Variants in CBR4 observed in about 807,000 individuals in gnomAD.
CBR4 encodes the protein carbonyl reductase 4.
CBR4 carries 22 observed loss-of-function variants against 21.0 expected under a neutral mutation model. The observed-to-expected ratio is 1.05, with a 90% CI of 0.75 to 1.50. The LOEUF is 1.50. Ranked by LOEUF, CBR4 falls within the 40% of genes most tolerant of loss-of-function variation. CBR4 has a pLI of 0.00. For synonymous variants in CBR4, 100 were observed against 104.4 expected (o/e 0.96, Z 0.26); for missense variants, 302 against 286.3 (o/e 1.05, Z -0.40).
At chr4:168,934,528 A>C (rs1418443648) in intron 2 of CBR4, among the ~76,000 whole-genome samples, 2 of 152,128 alleles carry the variant, frequency 1.3e-5, no homozygotes, top group Non-Finnish European at 2.9e-5. Context: ...AGAAACACAC[A>C]GGATCATTAG....
At chr4:168,894,494 T>C in intron 3 of CBR4, 1 of 799,110 alleles carries the variant, frequency 1.3e-6, no homozygotes, top group Middle Eastern at 2.4e-4. Flanking sequence ...CATGAAAGTG[T>C]GTTGTTTTTT....
rs886059216 is a variant in CBR4, at chr4:168,928,202, A to G, written n.170-33437T>C. 6 of 186,148 alleles carry G rather than the reference A, an allele frequency of 3.2e-5. No homozygotes were observed. Among genetic ancestry groups the G allele is most frequent in the African/African-American group, 7.0e-5 (3 of 42,668 alleles). 11.5% of individuals were successfully genotyped at this position (186,148 alleles called of 1,614,324 possible). A position where few individuals can be genotyped will look rare whatever the true frequency, so the allele number is the denominator to read the frequency against. On this transcript the variant is annotated intron_variant and non_coding_transcript_variant, in intron 2 of 3. Transcript: ENST00000509108. Reference sequence around the variant, plus strand: ...ACCATACACAGTCTCTCATGGACCTATCTCTATTGTAGAATTATGACTTAT... The same window carrying G: ...ACCATACACAGTCTCTCATGGACCTGTCTCTATTGTAGAATTATGACTTAT...
intron 2 of CBR4, among the ~76,000 whole-genome samples, chr4:168,948,448 T>C (rs1010626523): frequency 6.6e-5 from 10 of 152,234 alleles, no homozygotes; most frequent in African/African-American, 1.7e-4. Flanking sequence ...CCTAAGCCAA[T>C]GTCTAGAAGG....
chr4:168,995,652 T>C (rs1765159653), intron 4 of CBR4, among the ~76,000 whole-genome samples: 1 of 152,090 alleles, frequency 6.6e-6, no homozygotes, highest in Non-Finnish European at 1.5e-5. Flanking sequence ...TTTGCTCTAC[T>C]CCCCTTTTTG....
chr4:168,921,470 T>C (rs1037848569), intron 2 of CBR4: 3 of 1,130,520 alleles, frequency 2.7e-6, no homozygotes, highest in Admixed American at 2.0e-5. Context: ...GCAGACTTCT[T>C]AGCTACCAGT....
chr4:168,983,756 T>A, downstream of CBR4, among the ~76,000 whole-genome samples: 1 of 152,060 alleles, frequency 6.6e-6, no homozygotes, highest in East Asian at 1.9e-4. Context: ...TAATTCAACA[T>A]AGGCAAATCA....
rs1268050834 is a variant in CBR4 at position 168,988,007 on chromosome 4, A to T, written c.*2143T>A. 1.7e-5 allele frequency: 17 copies of T among 985,436 alleles called. No individual in the cohort carries two copies. Among genetic ancestry groups the T allele is most frequent in the Non-Finnish European group, 2.0e-5 (17 of 829,922 alleles). The allele number at this position is 985,436 out of a possible 1,614,324, so 61.0% of individuals were successfully genotyped here. On this transcript the variant is annotated 3_prime_UTR_variant, in exon 5 of 5. Coordinates refer to ENST00000306193, the MANE Select transcript of CBR4 (RefSeq NM_032783.5). Reference sequence around the variant, plus strand: ...CTTATGGGCTCATAGGAGTCAGCAAACAGCTACAGATGAGTCTTCTTGTTA... The same window carrying T: ...CTTATGGGCTCATAGGAGTCAGCAATCAGCTACAGATGAGTCTTCTTGTTA...
At chr4:168,985,651 C>T (rs1199196842), downstream of CBR4, among the ~76,000 whole-genome samples, 1 of 151,982 alleles carries the variant, frequency 6.6e-6, no homozygotes, top group Non-Finnish European at 1.5e-5. Context: ...CAATAGTGGA[C>T]TGGATAAAGA....
chr4:168,901,680 A>G (rs953803577), intron 2 of CBR4, among the ~76,000 whole-genome samples: 1 of 152,132 alleles, frequency 6.6e-6, no homozygotes, highest in Non-Finnish European at 1.5e-5. Context: ...CAATATTGTG[A>G]AACCCCATCT....
intron 2 of CBR4, among the ~76,000 whole-genome samples, chr4:168,938,478 G>A (rs1174674687): frequency 6.6e-6 from 1 of 152,090 alleles, no homozygotes; most frequent in Non-Finnish European, 1.5e-5. Context: ...CAGAATTGAA[G>A]GAGATAGAGA....
chr4:168,912,624 T>C (rs1337243976), intron 2 of CBR4, among the ~76,000 whole-genome samples: 1 of 152,210 alleles, frequency 6.6e-6, no homozygotes, highest in Non-Finnish European at 1.5e-5. Context: ...TGATTATACA[T>C]ATTTATGAGG....
chr4:168,956,001 G>A (rs1763674982), intron 2 of CBR4, among the ~76,000 whole-genome samples: 1 of 152,168 alleles, frequency 6.6e-6, no homozygotes, highest in Non-Finnish European at 1.5e-5. Context: ...GGATTAAAGT[G>A]TCTGATGTAT....
At chr4:169,009,059 C>CAAAA in intron 1 of CBR4, 53 of 359,468 alleles carry the variant, frequency 1.5e-4, no homozygotes, top group African/African-American at 1.8e-4. Flanking sequence ...GAAGCCCTCT[C>CAAAA]AAAAAAAAAA....
intron 2 of CBR4, among the ~76,000 whole-genome samples, chr4:168,916,967 C>T (rs903348860): frequency 6.6e-6 from 1 of 151,714 alleles, no homozygotes; most frequent in Non-Finnish European, 1.5e-5. Context: ...CAGTGCCCCG[C>T]CCCCATTTTC....
intron 2 of CBR4, among the ~76,000 whole-genome samples, chr4:168,934,697 C>T (rs996755298): frequency 3.3e-5 from 5 of 151,840 alleles, no homozygotes; most frequent in African/African-American, 1.2e-4. Context: ...AGCCTCCCAA[C>T]AAGGAAAAAA....
At position 168,987,787 on chromosome 4, in the gene CBR4, C is replaced by A; in HGVS notation, c.*2363G>T. The A allele has an allele frequency of 1.0e-6, 1 of 984,134 alleles. No homozygotes were observed. Among genetic ancestry groups the A allele is most frequent in the Non-Finnish European group, 1.2e-6 (1 of 828,856 alleles). 61.0% of individuals were successfully genotyped at this position (984,134 alleles called of 1,614,324 possible). ...AACAGAAGCACGTAAATTAAATTATCCTCTTTGCACAATTATTCCCCCCAA... is the reference window on the plus strand; with the variant it reads ...AACAGAAGCACGTAAATTAAATTATACTCTTTGCACAATTATTCCCCCCAA... On this transcript the variant is annotated 3_prime_UTR_variant, in exon 5 of 5. Transcript: ENST00000306193.
intron 4 of CBR4, among the ~76,000 whole-genome samples, chr4:168,996,594 T>C (rs1765214578): frequency 6.6e-6 from 1 of 152,176 alleles, no homozygotes; most frequent in African/African-American, 2.4e-5. Context: ...AAGCTAAGGG[T>C]TCACTCTTTA....
chr4:168,996,147 C>T (rs1002081065), intron 4 of CBR4, among the ~76,000 whole-genome samples: 1 of 152,162 alleles, frequency 6.6e-6, no homozygotes, highest in African/African-American at 2.4e-5. Flanking sequence ...CAGGGGACAG[C>T]TGCTAGCCAT....
Position 169,007,633 on chromosome 4 carries a change from A to T in CBR4, c.263+3T>A. 2 of 1,534,566 alleles carry T rather than the reference A, an allele frequency of 1.3e-6. No homozygotes were observed. The highest frequency in any genetic ancestry group is 1.7e-6 in the Non-Finnish European group (2 of 1,146,082). ...AAGAAACTTATTTAAATCTGTGACC[A>T]ACCTGTTAATACCAGCTGCATTTAC... On this transcript the variant is annotated splice_donor_region_variant and intron_variant, in intron 2 of 4. Coordinates refer to ENST00000306193, the MANE Select transcript of CBR4 (RefSeq NM_032783.5).
Sources: allele counts gnomAD v4.1 joint callset (sites outside exome capture counted in the v4.1 genomes callset), GRCh38; gene constraint gnomAD v4.1.1; transcripts MANE v1.5; gene names NCBI Gene and HGNC (gene_info 2026-07-23, HGNC 2026-07-21).